The following SLC5A7 variants were observed in gnomAD, a reference collection of about 807,000 sequenced individuals.
The protein encoded by SLC5A7 is high affinity choline transporter 1.
Under a neutral mutation model 55.4 loss-of-function variants are expected in SLC5A7, and 19 were observed. The ratio of observed to expected loss-of-function variants is 0.34; its 90% confidence interval spans 0.24 to 0.50. SLC5A7 has a LOEUF of 0.50. Among genes scored for constraint, SLC5A7 ranks in the 20% least tolerant of loss-of-function variants. The pLI, the probability that SLC5A7 is intolerant of heterozygous loss-of-function variation, is 0.98. For missense variants in SLC5A7, 506 were observed against 705.3 expected, an observed-to-expected ratio of 0.72 and a Z score of 3.20; for synonymous variants, 265 against 263.7, an observed-to-expected ratio of 1.00 and a Z score of -0.05.
intron 6 of SLC5A7, among the ~76,000 whole-genome samples, chr2:108,004,904 A>T (rs1020499049): frequency 6.6e-6 from 1 of 152,122 alleles, no homozygotes; most frequent in African/African-American, 2.4e-5. Flanking sequence ...TCTCATCACA[A>T]ATAATTAATG....
intron 4 of SLC5A7, among the ~76,000 whole-genome samples, chr2:107,996,753 G>C (rs1677686126): frequency 6.6e-6 from 1 of 152,122 alleles, no homozygotes; most frequent in East Asian, 1.9e-4. Flanking sequence ...AATAAACAAT[G>C]TTATAAAGAG....
At position 108,010,404 on chromosome 2, in the gene SLC5A7, G is replaced by C; in HGVS notation, c.1286G>C (p.Gly429Ala). The stretch of plus-strand genomic sequence containing the variant: ...CTGCTTTGTGTACTCTTTGTTAAGG[G>C]AACCAACACCTATGGGGCCGTGGCA... The part of the protein sequence containing the change: ...PQLLCVLFVK[G>A]TNTYGAVAGY... The change falls in exon 9 of 9, where the codon GGA becomes GCA. Residue 429 changes from glycine (G) to alanine (A), a missense_variant. Coordinates refer to ENST00000264047, the MANE Select transcript of SLC5A7 (RefSeq NM_021815.5). 1 of 1,613,890 alleles carries C rather than the reference G, an allele frequency of 6.2e-7. No homozygotes were observed. Among genetic ancestry groups the C allele is most frequent in the Non-Finnish European group, 8.5e-7 (1 of 1,179,916 alleles).
In SLC5A7 at chr2:107,994,167, G is replaced by T. The variant is rs1436894448; in HGVS notation, c.448+1040G>T. Among the ~76,000 whole-genome samples, 3 of 152,184 alleles carry T rather than the reference G, an allele frequency of 2.0e-5. No homozygotes were observed. The East Asian group carries it at 5.8e-4, about 29-fold the overall frequency. ...GAAGCTCCCCATAAAGGTGTGCACT[G>T]CCCCGCCTTCAGCACATCCAATTTC... On this transcript the variant is annotated intron_variant, in intron 4 of 8. Transcript: ENST00000264047.
At chr2:108,000,473 T>G (rs1677841262) in intron 5 of SLC5A7, among the ~76,000 whole-genome samples, 1 of 152,144 alleles carries the variant, frequency 6.6e-6, no homozygotes, top group Non-Finnish European at 1.5e-5. Flanking sequence ...TTTATTATTA[T>G]TATTTGTAGA....
intron 2 of SLC5A7, among the ~76,000 whole-genome samples, chr2:107,989,980 CT>C (rs1019238904): frequency 6.6e-5 from 10 of 151,836 alleles, no homozygotes; most frequent in East Asian, 1.9e-4. Context: ...GTTCGTAAAA[CT>C]TTTTTTTCTT....
At chr2:108,005,927 C>A in intron 6 of SLC5A7, 122 bp from the exon 7 acceptor site, 1 of 1,164,920 alleles carries the variant, frequency 8.6e-7, no homozygotes. Context: ...TTTGTGGCTA[C>A]ATGCCACATT....
chr2:108,005,930 G>T, intron 6 of SLC5A7, 119 bp from the exon 7 acceptor site: 1 of 1,233,896 alleles, frequency 8.1e-7, no homozygotes, highest in Non-Finnish European at 1.1e-6. Context: ...GTGGCTACAT[G>T]CCACATTTTT....
intron 4 of SLC5A7, among the ~76,000 whole-genome samples, chr2:107,994,985 A>T (rs1470886248): frequency 6.6e-6 from 1 of 152,250 alleles, no homozygotes; most frequent in Non-Finnish European, 1.5e-5. Flanking sequence ...TGTTATAATT[A>T]GTTTTGTATA....
intron 5 of SLC5A7, among the ~76,000 whole-genome samples, chr2:108,000,845 T>G (rs973203716): frequency 2.2e-4 from 33 of 152,034 alleles, no homozygotes; most frequent in Non-Finnish European, 2.1e-4. Flanking sequence ...TCCACCCAGT[T>G]AGGCCTCCCA....
At chr2:108,006,669 G>A (rs540562433) in intron 7 of SLC5A7, among the ~76,000 whole-genome samples, 1 of 152,138 alleles carries the variant, frequency 6.6e-6, no homozygotes, top group East Asian at 1.9e-4. Context: ...GGGAATGGTG[G>A]GGAGATCTTT....
At chr2:107,997,807 C>T in intron 4 of SLC5A7, 31 bp from the exon 5 acceptor site, 1 of 1,577,246 alleles carries the variant, frequency 6.3e-7, no homozygotes, top group Admixed American at 1.8e-5. Context: ...GTCTGGGCAC[C>T]TTGACCACAG....
At chr2:107,995,009 G>T (rs2104347768) in intron 4 of SLC5A7, among the ~76,000 whole-genome samples, 1 of 152,310 alleles carries the variant, frequency 6.6e-6, no homozygotes, top group Non-Finnish European at 1.5e-5. Context: ...GTGTGTCTGT[G>T]TTTGTGCCTG....
rs559067505 is a variant in SLC5A7, at chr2:108,005,911, T to C, written c.742-138T>C. On this transcript the variant is annotated intron_variant, in intron 6 of 8. Transcript: ENST00000264047. ...ATCATAGCAAACATAATGATACTAA[T>C]TGATATTTGTGGCTACATGCCACAT... 4 of 933,260 alleles carry C rather than the reference T, an allele frequency of 4.3e-6. No individual in the cohort carries two copies. In the African/African-American group the frequency reaches 6.6e-5, roughly 16 times the overall value. 57.8% of individuals were successfully genotyped at this position (933,260 alleles called of 1,614,324 possible).
intron 2 of SLC5A7, among the ~76,000 whole-genome samples, chr2:107,991,131 G>A (rs576737674): frequency 3.3e-5 from 5 of 152,240 alleles, no homozygotes; most frequent in East Asian, 3.9e-4. Context: ...GCATTACATT[G>A]TCTATTCAGA....
chr2:108,007,771 T>G (rs1292023210), intron 7 of SLC5A7, among the ~76,000 whole-genome samples: 4 of 152,212 alleles, frequency 2.6e-5, no homozygotes, highest in Non-Finnish European at 1.5e-5. Context: ...AAAAGCCGAC[T>G]ATGCTAATGA....
chr2:108,000,977 G>A lies in SLC5A7; in HGVS notation c.598-920G>A, dbSNP rs111624921. On this transcript the variant is annotated intron_variant, in intron 5 of 8. Coordinates refer to ENST00000264047, the MANE Select transcript of SLC5A7 (RefSeq NM_021815.5). The stretch of plus-strand genomic sequence containing the variant: ...GGAGTCTTGCTCTGTTGCCCAGGTT[G>A]GTATGCAATGTCCAGTCTCGGCTCA... 8.4e-3 allele frequency among the ~76,000 whole-genome samples: 1,012 copies of A among 120,926 alleles called. 11 individuals carry two copies. The highest frequency in any genetic ancestry group is 0.029 in the African/African-American group (899 of 30,764). 79.3% of individuals were successfully genotyped at this position (120,926 alleles called of 152,430 possible).
chr2:107,990,901 A>G (rs899567745), intron 2 of SLC5A7, among the ~76,000 whole-genome samples: 2 of 152,186 alleles, frequency 1.3e-5, no homozygotes, highest in African/African-American at 4.8e-5. Flanking sequence ...TCCTAATGGG[A>G]TGATGCAATC....
chr2:107,990,058 C>G (rs1677392053), intron 2 of SLC5A7, among the ~76,000 whole-genome samples: 1 of 151,968 alleles, frequency 6.6e-6, no homozygotes, highest in South Asian at 2.1e-4. Context: ...TACTACCTAA[C>G]CTTGTCAGAT....
chr2:107,998,942 A>C (rs895388410), intron 5 of SLC5A7, among the ~76,000 whole-genome samples: 3 of 152,218 alleles, frequency 2.0e-5, no homozygotes, highest in Non-Finnish European at 4.4e-5. Context: ...AAAAATGAAG[A>C]AGTAATCTCA....
Sources: allele counts gnomAD v4.1 joint callset (sites outside exome capture counted in the v4.1 genomes callset), GRCh38; gene constraint gnomAD v4.1.1; transcripts MANE v1.5; gene names NCBI Gene and HGNC (gene_info 2026-07-23, HGNC 2026-07-21).